Variants in RGS8 observed in about 807,000 individuals in gnomAD.
RGS8 encodes regulator of G protein signaling 8.
In RGS8, 8 loss-of-function variants were observed where a neutral mutation model predicts 21.7. That is an observed-to-expected ratio of 0.37 (90% CI 0.22 to 0.66). RGS8 has a LOEUF of 0.66. RGS8 is among the 30% of genes least tolerant of loss of function. RGS8 has a pLI of 0.59. For synonymous variants in RGS8, 80 were observed against 83.6 expected (o/e 0.96, Z 0.24); for missense variants, 157 against 217.9 (o/e 0.72, Z 1.76).
the RGS8 span, among the ~76,000 whole-genome samples, chr1:182,732,268 CTCAT>C: frequency 0.14 from 10,241 of 72,688 alleles, 463 homozygotes; most frequent in South Asian, 0.28. Context: ...CGCTCTCTCT[CTCAT>C]ACACACACAC....
At chr1:182,733,875 GTTATTTATTTATTTATTTAT>G in the RGS8 span, 1 of 149,434 alleles carries the variant, frequency 6.7e-6, no homozygotes, top group Non-Finnish European at 1.5e-5. Flanking sequence ...TAGATACCAA[GTTATTTATTTATTTATTTAT>G]TTATTTATTT....
chr1:182,742,607 C>T, the RGS8 span, among the ~76,000 whole-genome samples: 28 of 152,214 alleles, frequency 1.8e-4, no homozygotes, highest in Non-Finnish European at 3.4e-4. Flanking sequence ...GGCGTGGTGG[C>T]GCGCGCCTGC....
At chr1:182,718,588 A>G in the RGS8 span, among the ~76,000 whole-genome samples, 7 of 152,318 alleles carry the variant, frequency 4.6e-5, no homozygotes, top group South Asian at 1.4e-3. Flanking sequence ...TAAGCTGACT[A>G]GAATAGAGAA....
chr1:182,680,337 C>A (rs1664498979), intron 1 of RGS8, among the ~76,000 whole-genome samples: 1 of 152,224 alleles, frequency 6.6e-6, no homozygotes, highest in Non-Finnish European at 1.5e-5. Flanking sequence ...TCTACACTTT[C>A]CATAATCATG....
chr1:182,725,072 G>A, the RGS8 span, among the ~76,000 whole-genome samples: 1 of 152,186 alleles, frequency 6.6e-6, no homozygotes, highest in Non-Finnish European at 1.5e-5. Context: ...TTTTTGTAAA[G>A]GTTAAAGCTG....
chr1:182,644,126 G>C (rs552322201), downstream of RGS8: 5 of 152,402 alleles, frequency 3.3e-5, no homozygotes, highest in African/African-American at 1.2e-4. Context: ...GATGAGGTAT[G>C]CTTGGATATT....
intron 5 of RGS8, among the ~76,000 whole-genome samples, chr1:182,651,952 T>C (rs547318997): frequency 1.3e-5 from 2 of 152,224 alleles, no homozygotes; most frequent in Non-Finnish European, 2.9e-5. Flanking sequence ...GATTTCACTA[T>C]CAATGGACAC....
chr1:182,750,934 G>T, the RGS8 span, among the ~76,000 whole-genome samples: 1 of 152,210 alleles, frequency 6.6e-6, no homozygotes, highest in African/African-American at 2.4e-5. Flanking sequence ...ACAGATGAAA[G>T]AAGTTATTTC....
At chr1:182,666,176 T>C in intron 4 of RGS8, 143 bp from the exon 6 acceptor site, 1 of 591,268 alleles carries the variant, frequency 1.7e-6, no homozygotes. Flanking sequence ...CCTGGATTCC[T>C]GCAATTCTGT....
the RGS8 span, among the ~76,000 whole-genome samples, chr1:182,722,363 CAAA>C: frequency 4.9e-3 from 390 of 79,418 alleles, 2 homozygotes; most frequent in African/African-American, 0.01. Context: ...AGCAAATTAC[CAAA>C]AAAAAAAAAA....
the RGS8 span, among the ~76,000 whole-genome samples, chr1:182,712,414 G>A: frequency 6.6e-6 from 1 of 152,170 alleles, no homozygotes; most frequent in African/African-American, 2.4e-5. Flanking sequence ...TGTTCCATCT[G>A]AATTTGACCA....
At chr1:182,656,876 C>T (rs1663305642) in intron 5 of RGS8, among the ~76,000 whole-genome samples, 1 of 152,210 alleles carries the variant, frequency 6.6e-6, no homozygotes, top group Non-Finnish European at 1.5e-5. Context: ...CTCACCCCTC[C>T]TCCTCTGCTC....
At chr1:182,660,813 C>T (rs1663547914) in intron 5 of RGS8, among the ~76,000 whole-genome samples, 2 of 151,654 alleles carry the variant, frequency 1.3e-5, no homozygotes, top group South Asian at 2.1e-4. Context: ...GAAAAAGATC[C>T]CCAGGCCCCA....
chr1:182,710,406 A>G, the RGS8 span, among the ~76,000 whole-genome samples: 6 of 152,102 alleles, frequency 3.9e-5, no homozygotes, highest in African/African-American at 1.4e-4. Flanking sequence ...TGTTCACTCT[A>G]TTCCTGAGCA....
the RGS8 span, among the ~76,000 whole-genome samples, chr1:182,748,127 C>T: frequency 6.6e-6 from 1 of 152,092 alleles, no homozygotes; most frequent in East Asian, 1.9e-4. Flanking sequence ...ACCAAATAAC[C>T]TTCAATCTCT....
chr1:182,710,584 A>G, the RGS8 span, among the ~76,000 whole-genome samples: 108 of 152,298 alleles, frequency 7.1e-4, no homozygotes, highest in Admixed American at 2.5e-3. Context: ...AATGGGGAGA[A>G]GAGAAGGCAA....
chr1:182,678,903 A>T (rs1664454336), intron 1 of RGS8, among the ~76,000 whole-genome samples: 1 of 152,168 alleles, frequency 6.6e-6, no homozygotes, highest in Admixed American at 6.5e-5. Context: ...CATCAAGATC[A>T]TCAAGGCCTC....
the RGS8 span, among the ~76,000 whole-genome samples, chr1:182,705,618 A>T: frequency 7.4e-6 from 1 of 135,898 alleles, no homozygotes; most frequent in Non-Finnish European, 1.6e-5. Context: ...ATCGCATAAT[A>T]CTCATTGAAT....
chr1:182,669,262 G>A (rs1470515287), intron 3 of RGS8, among the ~76,000 whole-genome samples: 1 of 152,156 alleles, frequency 6.6e-6, no homozygotes, highest in Non-Finnish European at 1.5e-5. Flanking sequence ...TAAAAATAAC[G>A]AGGCTTTCCC....
Sources: gnomAD v4.1 joint callset for allele counts (sites outside exome capture counted in the v4.1 genomes callset) on GRCh38, gnomAD v4.1.1 for gene constraint, MANE v1.5 for transcripts, NCBI Gene and HGNC (gene_info 2026-07-23, HGNC 2026-07-21) for gene names.